The following PTPRD variants were observed in gnomAD, a reference collection of about 807,000 sequenced individuals.
PTPRD encodes receptor-type tyrosine-protein phosphatase delta.
Under a neutral mutation model 214.5 loss-of-function variants are expected in PTPRD, and 34 were observed. That is an observed-to-expected ratio of 0.16 (90% CI 0.12 to 0.21). The LOEUF is 0.21. Among genes scored for constraint, PTPRD ranks in the 10% least tolerant of loss-of-function variants. The pLI is 1.00. For missense variants in PTPRD, 2,545 were observed against 2,398.7 expected (o/e 1.06, Z -1.27); for synonymous variants, 1,128 against 845.7 (o/e 1.33, Z -5.79).
intron 10 of PTPRD, among the ~76,000 whole-genome samples, chr9:9,146,680 A>G (rs2099869110): frequency 6.6e-6 from 1 of 152,196 alleles, no homozygotes; most frequent in African/African-American, 2.4e-5. Flanking sequence ...GATTATTTCA[A>G]TGAGAGGCCA....
intron 6 of PTPRD, among the ~76,000 whole-genome samples, chr9:9,752,495 T>C (rs2098530272): frequency 6.6e-6 from 1 of 151,720 alleles, no homozygotes; most frequent in Admixed American, 6.6e-5. Flanking sequence ...TAGTTTCTTG[T>C]AAAAATGGAG....
rs543376716 is a variant in PTPRD, at chr9:8,376,754, G to A, written c.4387-28C>T. The A allele has an allele frequency of 5.3e-5, 86 of 1,610,224 alleles. No homozygotes were observed. In the South Asian group the frequency reaches 8.0e-4, roughly 15 times the overall value. On this transcript the variant is annotated intron_variant, in intron 37 of 45. Coordinates refer to ENST00000381196, the MANE Select transcript of PTPRD (RefSeq NM_002839.4). Reference sequence around the variant, plus strand: ...ACAAGAAACAAGTGACACATTCAGGGCAAATGCTCATCAATTTCTCTATTA... The same window carrying A: ...ACAAGAAACAAGTGACACATTCAGGACAAATGCTCATCAATTTCTCTATTA...
intron 9 of PTPRD, among the ~76,000 whole-genome samples, chr9:9,293,234 C>T (rs1027340121): frequency 6.6e-6 from 1 of 151,554 alleles, no homozygotes; most frequent in African/African-American, 2.4e-5. Context: ...TAATCATTAA[C>T]ATATGTCAGT....
intron 10 of PTPRD, among the ~76,000 whole-genome samples, chr9:9,075,861 C>T (rs1015084743): frequency 1.3e-5 from 2 of 152,114 alleles, no homozygotes; most frequent in African/African-American, 4.8e-5. Context: ...AATAGTGCCG[C>T]AATAAACATA....
chr9:8,506,655 T>C (rs72694752), intron 22 of PTPRD, among the ~76,000 whole-genome samples: 1 of 150,848 alleles, frequency 6.6e-6, no homozygotes, highest in Non-Finnish European at 1.5e-5. Context: ...AAAAATTACA[T>C]GCATTATTGA....
chr9:9,624,441 T>C (rs1235472923), intron 7 of PTPRD, among the ~76,000 whole-genome samples: 1 of 151,784 alleles, frequency 6.6e-6, no homozygotes, highest in African/African-American at 2.4e-5. Flanking sequence ...TGCCACCATG[T>C]CTGGCTAATT....
At chr9:8,989,549 T>G (rs1296761968) in intron 11 of PTPRD, among the ~76,000 whole-genome samples, 1 of 152,134 alleles carries the variant, frequency 6.6e-6, no homozygotes, top group East Asian at 1.9e-4. Flanking sequence ...ATTCCTCCTA[T>G]GGCTGAATAA....
chr9:10,248,725 T>C (rs2092472831), intron 3 of PTPRD, among the ~76,000 whole-genome samples: 1 of 152,108 alleles, frequency 6.6e-6, no homozygotes, highest in African/African-American at 2.4e-5. Context: ...GTGCCTTCTT[T>C]AAACTAATGG....
intron 2 of PTPRD, among the ~76,000 whole-genome samples, chr9:10,506,866 A>T (rs72700972): frequency 0.099 from 14,996 of 152,088 alleles, 995 homozygotes; most frequent in African/African-American, 0.18. Flanking sequence ...TTGGGAAGTC[A>T]TCCACAGAGA....
chr9:10,600,913 G>C (rs913286795), intron 2 of PTPRD, among the ~76,000 whole-genome samples: 2 of 151,624 alleles, frequency 1.3e-5, no homozygotes, highest in Non-Finnish European at 2.9e-5. Flanking sequence ...CTCCAACAGA[G>C]AAAAGGCAAT....
chr9:9,968,445 T>A (rs557057666), intron 4 of PTPRD, among the ~76,000 whole-genome samples: 1 of 152,218 alleles, frequency 6.6e-6, no homozygotes, highest in Non-Finnish European at 1.5e-5. Context: ...AAAATATATT[T>A]GCATATCTAA....
At chr9:10,219,529 G>A (rs1440015831) in intron 3 of PTPRD, among the ~76,000 whole-genome samples, 1 of 151,808 alleles carries the variant, frequency 6.6e-6, no homozygotes, top group South Asian at 2.1e-4. Context: ...GCCCATTTGT[G>A]TAGAGTTAAC....
At chr9:10,541,037 A>G (rs1428275153) in intron 2 of PTPRD, among the ~76,000 whole-genome samples, 1 of 152,188 alleles carries the variant, frequency 6.6e-6, no homozygotes, top group Admixed American at 6.5e-5. Context: ...AGAAACCATT[A>G]AACATTGATA....
At chr9:10,058,084 G>A (rs940699183) in intron 3 of PTPRD, among the ~76,000 whole-genome samples, 1 of 152,064 alleles carries the variant, frequency 6.6e-6, no homozygotes, top group Non-Finnish European at 1.5e-5. Context: ...GAGTGGAAAT[G>A]TAATAAATGT....
intron 5 of PTPRD, among the ~76,000 whole-genome samples, chr9:9,821,552 G>C (rs2050739807): frequency 6.6e-6 from 1 of 152,080 alleles, no homozygotes; most frequent in South Asian, 2.1e-4. Context: ...AAATATATAA[G>C]ATATAGATAA....
chr9:9,207,895 C>T (rs1476649167), intron 9 of PTPRD, among the ~76,000 whole-genome samples: 1 of 151,536 alleles, frequency 6.6e-6, no homozygotes, highest in Non-Finnish European at 1.5e-5. Context: ...AGAAATAACT[C>T]TATATACTTC....
At chr9:8,400,758 C>G (rs2092259275) in intron 36 of PTPRD, among the ~76,000 whole-genome samples, 1 of 152,108 alleles carries the variant, frequency 6.6e-6, no homozygotes, top group Non-Finnish European at 1.5e-5. Context: ...CCAATCCTGT[C>G]TGAGCTTCAG....
chr9:8,612,753 A>C (rs1158120886), intron 14 of PTPRD, among the ~76,000 whole-genome samples: 1 of 152,348 alleles, frequency 6.6e-6, no homozygotes, highest in South Asian at 2.1e-4. Context: ...GGGACCACCC[A>C]CATACAAGTG....
intron 11 of PTPRD, among the ~76,000 whole-genome samples, chr9:8,826,814 T>C (rs2097185240): frequency 6.6e-6 from 1 of 152,102 alleles, no homozygotes; most frequent in Non-Finnish European, 1.5e-5. Flanking sequence ...AATATTAAAA[T>C]TTAGAGCCTT....
Sources: allele counts gnomAD v4.1 joint callset (sites outside exome capture counted in the v4.1 genomes callset), GRCh38; gene constraint gnomAD v4.1.1; transcripts MANE v1.5; gene names NCBI Gene and HGNC (gene_info 2026-07-23, HGNC 2026-07-21).